The following MTMR2 variants were observed in gnomAD, a reference collection of about 807,000 sequenced individuals.
MTMR2 encodes myotubularin related protein 2.
In MTMR2, 55 loss-of-function variants were observed where a neutral mutation model predicts 86.9. The ratio of observed to expected loss-of-function variants is 0.63; its 90% CI spans 0.51 to 0.79. The LOEUF (loss-of-function observed/expected upper bound fraction) is 0.79, where lower values mean the gene tolerates loss of function less well. Ranked by LOEUF, MTMR2 falls within the 30% of genes least tolerant of loss-of-function variation. The pLI is 0.00. For missense variants in MTMR2, 659 were observed against 772.3 expected (o/e 0.85, Z 1.74); for synonymous variants, 241 against 266.8 (o/e 0.90, Z 0.94).
intron 7 of MTMR2, among the ~76,000 whole-genome samples, 173 bp downstream of exon 7, chr11:95,857,370 AAGGAAGAAT>A (rs1864249568): frequency 6.6e-6 from 1 of 152,066 alleles, no homozygotes; most frequent in African/African-American, 2.4e-5. Context: ...TGGTATACTG[AAGGAAGAAT>A]AGGAAGAATG....
At chr11:95,855,498 T>TGCCTCG (rs1821502396) in intron 7 of MTMR2, among the ~76,000 whole-genome samples, 1 of 150,168 alleles carries the variant, frequency 6.7e-6, no homozygotes, top group Non-Finnish European at 1.5e-5. Flanking sequence ...GCGACCTGCC[T>TGCCTCG]GCCTCGGCCT....
In MTMR2 at chr11:95,897,114, T is replaced by G. The variant is rs145538132; in HGVS notation, c.81-8853A>C. On this transcript the variant is annotated intron_variant, in intron 1 of 14. Coordinates refer to ENST00000346299, the MANE Select transcript of MTMR2 (RefSeq NM_016156.6). ...GACTGTTGGTGATTAACTTTTTTGG[T>G]GGTCATAGACCTCTTTGAAAATCCC... is the stretch of plus-strand genomic sequence containing the variant. Among the ~76,000 whole-genome samples the G allele has an allele frequency of 2.0e-3, 303 of 152,118 alleles. 4 individuals carry two copies. The highest frequency in any genetic ancestry group is 6.8e-3 in the African/African-American group (282 of 41,502).
intron 1 of MTMR2, among the ~76,000 whole-genome samples, chr11:95,910,338 C>T (rs943268893): frequency 6.6e-6 from 1 of 152,026 alleles, no homozygotes; most frequent in Admixed American, 6.6e-5. Context: ...CCTGAAGGTA[C>T]TTCACAGCAA....
rs145714734 is a variant in MTMR2 at position 95,845,149 on chromosome 11, G to C, written c.1190C>G (p.Ala397Gly). The C allele has an allele frequency of 3.6e-5, 58 of 1,613,472 alleles. No homozygotes were observed. The highest frequency in any genetic ancestry group is 4.8e-5 in the Non-Finnish European group (57 of 1,179,684). Residue 397 changes from alanine to glycine, a missense_variant, in exon 11 of 15, where the codon GCA becomes GGA. Physicochemically the swap from Ala to Gly is moderately conservative, Grantham distance 60 (BLOSUM62 0). Coordinates refer to ENST00000346299, the MANE Select transcript of MTMR2 (RefSeq NM_016156.6). ...HWLEHIKLIL[A>G]GALRIADKVE... The stretch of plus-strand genomic sequence containing the variant: ...CTTGTCAGCAATCCTAAGAGCCCCT[G>C]CAAGAATAAGCTGGAAAACAGATTT...
chr11:95,923,910 C>G lies in MTMR2; in HGVS notation c.45G>C (p.Ala15=), dbSNP rs1178277093. 6.4e-7 allele frequency: 1 copy of G among 1,559,718 alleles called. No homozygotes were observed. The highest frequency in any genetic ancestry group is 1.2e-5 in the South Asian group (1 of 84,854). ...AGTCCACGCTGGGCGGCCGAGCCGC[C>G]GCCGGCTGGGAGCCAAGACTCTCGC... ...SSCESLGSQP[A]AARPPSVDSL... is the part of the protein sequence containing the mutation. Residue 15 remains alanine, a synonymous_variant, in exon 1 of 15, where the codon GCG becomes GCC. Transcript: ENST00000346299.
At chr11:95,860,248 T>C (rs1215292794) in intron 5 of MTMR2, among the ~76,000 whole-genome samples, 2 of 152,124 alleles carry the variant, frequency 1.3e-5, no homozygotes, top group East Asian at 3.9e-4. Flanking sequence ...ACACCTGTAA[T>C]CTCAACACTT....
chr11:95,839,388 G>A (rs901903444), intron 12 of MTMR2, among the ~76,000 whole-genome samples: 2 of 151,926 alleles, frequency 1.3e-5, no homozygotes, highest in Non-Finnish European at 2.9e-5. Context: ...TATTATTAGC[G>A]AAATATGAAT....
intron 1 of MTMR2, among the ~76,000 whole-genome samples, chr11:95,919,371 C>G (rs1440074376): frequency 1.3e-5 from 2 of 151,876 alleles, no homozygotes; most frequent in Admixed American, 6.6e-5. Flanking sequence ...GTGTACCCCC[C>G]CTTTGATTTT....
intron 2 of MTMR2, among the ~76,000 whole-genome samples, chr11:95,887,251 G>A (rs1865545016): frequency 6.6e-6 from 1 of 152,120 alleles, no homozygotes; most frequent in South Asian, 2.1e-4. Flanking sequence ...TGTAACCAGT[G>A]AGAAAGCAGC....
intron 2 of MTMR2, among the ~76,000 whole-genome samples, chr11:95,880,270 A>G (rs867511727): frequency 5.3e-5 from 8 of 152,242 alleles, no homozygotes; most frequent in Middle Eastern, 3.4e-3. Context: ...TATTTTCTCA[A>G]CTGCATATAT....
chr11:95,842,675 A>C (rs1863597119), intron 11 of MTMR2, among the ~76,000 whole-genome samples: 1 of 152,194 alleles, frequency 6.6e-6, no homozygotes, highest in Non-Finnish European at 1.5e-5. Context: ...CATAATATTA[A>C]GACATTATTT....
At chr11:95,845,603 A>G (rs1418624729) in intron 10 of MTMR2, among the ~76,000 whole-genome samples, 4 of 152,132 alleles carry the variant, frequency 2.6e-5, no homozygotes, top group Non-Finnish European at 4.4e-5. Flanking sequence ...TCTCTTTAAA[A>G]TACTCTATAG....
At chr11:95,910,127 G>GCACACA (rs71040121) in intron 1 of MTMR2, among the ~76,000 whole-genome samples, 4,290 of 147,244 alleles carry the variant, frequency 0.029, 102 homozygotes, top group South Asian at 0.073. Flanking sequence ...ACGCATGCAC[G>GCACACA]CACACACACA....
intron 2 of MTMR2, among the ~76,000 whole-genome samples, chr11:95,870,473 T>C (rs1047846060): frequency 6.6e-6 from 1 of 152,064 alleles, no homozygotes; most frequent in Admixed American, 6.6e-5. Flanking sequence ...GATTAGTCTA[T>C]GGTAATAGAA....
Position 95,847,783 on chromosome 11 carries a change from C to T in MTMR2, c.1110G>A (p.Val370=), listed in dbSNP as rs745851794. Residue 370 remains valine, a synonymous_variant, in exon 10 of 15, where the codon GTG becomes GTA. Coordinates refer to ENST00000346299, the MANE Select transcript of MTMR2 (RefSeq NM_016156.6). ...RESLRKLKEI[V]YPNIEETHWL... ...AGTGGGTTTCCTCAATGTTGGGGTA[C>T]ACAATCTCCTTAAGTTTTCGTAATG... 6.2e-7 allele frequency: 1 copy of T among 1,613,600 alleles called. No individual in the cohort carries two copies. The highest frequency in any genetic ancestry group is 1.3e-5 in the African/African-American group (1 of 75,020).
At chr11:95,888,299 G>A in intron 1 of MTMR2, 38 bp from the exon 2 acceptor site, 1 of 1,439,304 alleles carries the variant, frequency 6.9e-7, no homozygotes, top group Non-Finnish European at 9.8e-7. Flanking sequence ...GGAAAAATGG[G>A]GGCTTCAAAG....
rs565230483 is a variant in MTMR2, at chr11:95,844,854, T to A, written c.1386+99A>T. On this transcript the variant is annotated intron_variant, in intron 11 of 14. Transcript: ENST00000346299. ...AACGTTTACCCCACTAGATAAATGA[T>A]CAATTTCAGATGAATATCTTATTTT... 34 of 1,098,958 alleles carry A rather than the reference T, an allele frequency of 3.1e-5. No individual in the cohort carries two copies. In the African/African-American group the frequency reaches 4.5e-4, roughly 15 times the overall value. The allele number at this position is 1,098,958 out of a possible 1,614,324, so 68.1% of individuals were successfully genotyped here.
rs532220831 is a variant in MTMR2 at position 95,836,512 on chromosome 11, G to GAGAT, written c.1594-192_1594-189dup. The stretch of plus-strand genomic sequence containing the variant: ...GGAAAACAGTATGCAGTTCCTCAAA[G>GAGAT]AGATACCATATGACCCAACAATTCC... On this transcript the variant is annotated intron_variant, in intron 13 of 14. Transcript: ENST00000346299. 1.6e-4 allele frequency among the ~76,000 whole-genome samples: 24 copies of GAGAT among 152,060 alleles called. 1 individual carries two copies. The East Asian group carries it at 4.6e-3, about 29-fold the overall frequency.
chr11:95,841,626 C>A lies in MTMR2; in HGVS notation c.1470G>T (p.Met490Ile). 1 of 1,610,150 alleles carries A rather than the reference C, an allele frequency of 6.2e-7. No homozygotes were observed. The highest frequency in any genetic ancestry group is 1.1e-5 in the South Asian group (1 of 90,994). The change falls in exon 12 of 15, where the codon ATG becomes ATT. Residue 490 changes from methionine to isoleucine, a missense_variant. Physicochemically the swap from Met to Ile is conservative, Grantham distance 10 (BLOSUM62 1). Transcript: ENST00000346299. Reference protein sequence around the residue: ...FLQFIDCVWQMTRQFPTAFEF... With the variant: ...FLQFIDCVWQITRQFPTAFEF... Reference sequence around the variant, plus strand: ...AGGCCAGATAAATTACCTGTCTTGTCATCTGCCAGACACAGTCAATAAATT... The same window carrying A: ...AGGCCAGATAAATTACCTGTCTTGTAATCTGCCAGACACAGTCAATAAATT...
Sources: allele counts gnomAD v4.1 joint callset (sites outside exome capture counted in the v4.1 genomes callset), GRCh38; gene constraint gnomAD v4.1.1; transcripts MANE v1.5; gene names NCBI Gene and HGNC (gene_info 2026-07-23, HGNC 2026-07-21).